Variants in ADAMTS19 observed in about 807,000 individuals in gnomAD.
ADAMTS19 encodes ADAM metallopeptidase with thrombospondin type 1 motif 19, also known as A disintegrin and metalloproteinase with thrombospondin motifs 19.
Under a neutral mutation model 153.3 loss-of-function variants are expected in ADAMTS19, and 93 were observed. The observed-to-expected ratio is 0.61, with a 90% confidence interval of 0.51 to 0.72. ADAMTS19 has a LOEUF of 0.72. Ranked by LOEUF, ADAMTS19 falls within the 30% of genes least tolerant of loss-of-function variation. The pLI, the probability that ADAMTS19 is intolerant of heterozygous loss-of-function variation, is 0.00. For missense variants in ADAMTS19, 1,482 were observed against 1,552.1 expected, an observed-to-expected ratio of 0.95 and a Z score of 0.76; for synonymous variants, 600 against 556.6, an observed-to-expected ratio of 1.08 and a Z score of -1.10.
intron 21 of ADAMTS19, among the ~76,000 whole-genome samples, chr5:129,710,489 A>C (rs184511625): frequency 1.3e-5 from 2 of 152,312 alleles, no homozygotes; most frequent in East Asian, 3.9e-4. Flanking sequence ...AAACATGAAA[A>C]AAAGCTTAAC....
intron 6 of ADAMTS19, among the ~76,000 whole-genome samples, chr5:129,542,363 A>G (rs1581062327): frequency 6.6e-6 from 1 of 152,204 alleles, no homozygotes; most frequent in African/African-American, 2.4e-5. Flanking sequence ...AGAAAATATG[A>G]TGCAATAGAA....
intron 7 of ADAMTS19, among the ~76,000 whole-genome samples, chr5:129,592,429 A>G (rs1052858309): frequency 1.3e-5 from 2 of 150,872 alleles, no homozygotes; most frequent in African/African-American, 4.9e-5. Flanking sequence ...TATTGCATCT[A>G]TCTTTAAATA....
intron 21 of ADAMTS19, among the ~76,000 whole-genome samples, chr5:129,730,094 A>C (rs1459319423): frequency 6.6e-6 from 1 of 152,104 alleles, no homozygotes. Flanking sequence ...ACTGTATTGC[A>C]TTGTCCTGAA....
chr5:129,684,316 T>C (rs2127127300), intron 18 of ADAMTS19, 43 bp downstream of exon 18: 1 of 1,601,662 alleles, frequency 6.2e-7, no homozygotes, highest in East Asian at 2.2e-5. Flanking sequence ...ACATCAGTTG[T>C]TTTCTGATTA....
At chr5:129,612,864 A>G (rs894848563) in intron 8 of ADAMTS19, among the ~76,000 whole-genome samples, 3 of 152,152 alleles carry the variant, frequency 2.0e-5, no homozygotes, top group Non-Finnish European at 4.4e-5. Context: ...AAAATGGAAA[A>G]CAAAAAAGGC....
chr5:129,495,390 G>A (rs975417952), intron 2 of ADAMTS19, among the ~76,000 whole-genome samples: 1 of 151,960 alleles, frequency 6.6e-6, no homozygotes, highest in African/African-American at 2.4e-5. Flanking sequence ...AGAAAAATAC[G>A]AATGAAGAAG....
intron 3 of ADAMTS19, among the ~76,000 whole-genome samples, chr5:129,511,083 T>C (rs550337918): frequency 1.7e-3 from 264 of 151,924 alleles, no homozygotes; most frequent in Non-Finnish European, 2.9e-3. Flanking sequence ...CATGTCCAAT[T>C]GTAGCCTTTC....
chr5:129,575,831 A>G (rs1754079563), intron 7 of ADAMTS19, among the ~76,000 whole-genome samples: 1 of 152,076 alleles, frequency 6.6e-6, no homozygotes, highest in Non-Finnish European at 1.5e-5. Flanking sequence ...ACAATAATGT[A>G]TATCAGAGTT....
At chr5:129,492,594 C>T (rs372647197) in intron 2 of ADAMTS19, among the ~76,000 whole-genome samples, 23 of 151,430 alleles carry the variant, frequency 1.5e-4, no homozygotes, top group African/African-American at 4.8e-4. Flanking sequence ...AGTGTAACCA[C>T]ACCACATAAT....
At position 129,499,073 on chromosome 5, in the gene ADAMTS19, G is replaced by C. The variant is rs954869912; in HGVS notation, c.748-10004G>C. Among the ~76,000 whole-genome samples, 12 of 151,744 alleles carry C rather than the reference G, an allele frequency of 7.9e-5. No individual in the cohort carries two copies. The East Asian group carries it at 2.3e-3, about 29-fold the overall frequency. ...GTTACAATGGAACATAATAGATTTG[G>C]GCTAGACTGGTAAACAACTAAGAAG... On this transcript the variant is annotated intron_variant, in intron 2 of 22. Transcript: ENST00000274487.
At chr5:129,499,095 G>A (rs1751018697) in intron 2 of ADAMTS19, among the ~76,000 whole-genome samples, 1 of 151,952 alleles carries the variant, frequency 6.6e-6, no homozygotes, top group African/African-American at 2.4e-5. Flanking sequence ...AAACAACTAA[G>A]AAGTAGATTT....
intron 10 of ADAMTS19, among the ~76,000 whole-genome samples, chr5:129,624,991 C>A (rs1244831819): frequency 6.6e-6 from 1 of 151,854 alleles, no homozygotes; most frequent in Non-Finnish European, 1.5e-5. Flanking sequence ...CCCCATCCCC[C>A]CACCCCACAA....
chr5:129,537,155 G>A (rs1367152867), intron 6 of ADAMTS19, among the ~76,000 whole-genome samples: 1 of 152,082 alleles, frequency 6.6e-6, no homozygotes, highest in Non-Finnish European at 1.5e-5. Context: ...CATTTATGCA[G>A]CCAACAGACA....
intron 2 of ADAMTS19, among the ~76,000 whole-genome samples, chr5:129,485,633 T>C (rs1194266215): frequency 6.6e-6 from 1 of 152,140 alleles, no homozygotes; most frequent in Non-Finnish European, 1.5e-5. Flanking sequence ...TATAGTTTCT[T>C]TGAAATTAAA....
chr5:129,656,612 C>T (rs188968838), intron 14 of ADAMTS19, among the ~76,000 whole-genome samples: 15 of 152,326 alleles, frequency 9.8e-5, no homozygotes, highest in African/African-American at 2.9e-4. Flanking sequence ...GGCATTGCCT[C>T]TTCAAAGTAG....
intron 2 of ADAMTS19, among the ~76,000 whole-genome samples, chr5:129,467,765 A>G (rs1323822372): frequency 6.6e-6 from 1 of 152,234 alleles, no homozygotes; most frequent in Non-Finnish European, 1.5e-5. Flanking sequence ...AGGTGTTACC[A>G]CACAGAATCT....
At chr5:129,653,242 A>G (rs1454928048) in intron 13 of ADAMTS19, among the ~76,000 whole-genome samples, 1 of 152,170 alleles carries the variant, frequency 6.6e-6, no homozygotes, top group Admixed American at 6.5e-5. Flanking sequence ...TTTCCATTCT[A>G]TTTATATAAG....
chr5:129,463,913 G>A (rs1055570488), intron 2 of ADAMTS19, among the ~76,000 whole-genome samples: 1 of 152,188 alleles, frequency 6.6e-6, no homozygotes, highest in South Asian at 2.1e-4. Flanking sequence ...ACCTGTAAGT[G>A]GAAATGACAC....
chr5:129,475,154 A>G (rs1480683914), intron 2 of ADAMTS19, among the ~76,000 whole-genome samples: 2 of 151,446 alleles, frequency 1.3e-5, no homozygotes, highest in Admixed American at 1.3e-4. Context: ...CTAAGAACTC[A>G]GTGTCTAACC....
Sources: allele counts gnomAD v4.1 joint callset (sites outside exome capture counted in the v4.1 genomes callset), GRCh38; gene constraint gnomAD v4.1.1; transcripts MANE v1.5; gene names NCBI Gene and HGNC (gene_info 2026-07-23, HGNC 2026-07-21).